The following NAMPT variants were observed in gnomAD, a reference collection of about 807,000 sequenced individuals.
The protein encoded by NAMPT is nicotinamide phosphoribosyltransferase, also known as NAmPRTase.
NAMPT carries 7 observed loss-of-function variants against 58.7 expected under a neutral mutation model. That is an observed-to-expected ratio of 0.12 (90% CI 0.07 to 0.22). NAMPT has a LOEUF of 0.22. Ranked by LOEUF, NAMPT falls within the 10% of genes least tolerant of loss-of-function variation. The pLI, the probability that NAMPT is intolerant of heterozygous loss-of-function variation, is 1.00. For synonymous variants in NAMPT, 145 were observed against 198.1 expected, an observed-to-expected ratio of 0.73 and a Z score of 2.25; for missense variants, 271 against 567.9, an observed-to-expected ratio of 0.48 and a Z score of 5.31.
In NAMPT at chr7:106,261,675, A is replaced by G. The variant is rs185838240; in HGVS notation, c.1002T>C (p.Val334=). 1.2e-4 allele frequency: 196 copies of G among 1,602,916 alleles called. 1 individual carries two copies. The Admixed American group carries it at 3.2e-3, about 26-fold the overall frequency. The change falls in exon 8 of 11, where the codon GTT becomes GTC. Residue 334 remains valine, a synonymous_variant. Transcript: ENST00000222553. ...VLEILGKKFP[V]TENSKGYKLL... is the part of the protein sequence containing the mutation. ...ACTTGTAACCCTTTGAGTTCTCAGT[A>G]ACAGGAAACTTCTTACCTAAAATCT...
chr7:106,274,455 T>C (rs1179364436), intron 3 of NAMPT, among the ~76,000 whole-genome samples: 1 of 152,082 alleles, frequency 6.6e-6, no homozygotes, highest in African/African-American at 2.4e-5. Flanking sequence ...TTCAAAAGGA[T>C]ATATTGGCTA....
intron 1 of NAMPT, chr7:106,284,543 G>T (rs1442603063): frequency 3.0e-5 from 5 of 164,422 alleles, no homozygotes; most frequent in East Asian, 3.7e-4. Context: ...CCGGGAGTCC[G>T]CTGGGGCCCG....
intron 1 of NAMPT, among the ~76,000 whole-genome samples, chr7:106,283,766 G>GA (rs542633762): frequency 6.6e-6 from 1 of 151,644 alleles, no homozygotes; most frequent in East Asian, 1.9e-4. Context: ...AAGCTGATTG[G>GA]AAAAAAACAG....
intron 8 of NAMPT, among the ~76,000 whole-genome samples, chr7:106,256,857 T>G (rs543714292): frequency 6.6e-6 from 1 of 152,272 alleles, no homozygotes; most frequent in South Asian, 2.1e-4. Context: ...ATCCTTTAGG[T>G]ACACCAACAG....
intron 10 of NAMPT, among the ~76,000 whole-genome samples, 190 bp downstream of exon 10, chr7:106,252,827 G>A (rs1380814751): frequency 6.6e-6 from 1 of 152,022 alleles, no homozygotes; most frequent in Non-Finnish European, 1.5e-5. Context: ...GTATACACAG[G>A]CCCCGTGTTT....
At chr7:106,271,595 CTTTT>C (rs1474906979) in intron 4 of NAMPT, among the ~76,000 whole-genome samples, 1 of 151,678 alleles carries the variant, frequency 6.6e-6, no homozygotes, top group Admixed American at 6.6e-5. Context: ...TTAACTGTAC[CTTTT>C]TTTTGAGTGT....
chr7:106,268,560 T>C lies in NAMPT; in HGVS notation c.647A>G (p.Lys216Arg), dbSNP rs1255844824. The C allele has an allele frequency of 6.2e-7, 1 of 1,612,410 alleles. No homozygotes were observed. The highest frequency in any genetic ancestry group is 8.5e-7 in the Non-Finnish European group (1 of 1,178,392). ...AAGTCCTGCTACTGTATCTGTTCCT[T>C]TGAAGTTAACCAAGTGAGCAGATGC... ...IGASAHLVNF[K>R]GTDTVAGLAL... The change falls in exon 6 of 11, where the codon AAA becomes AGA. Residue 216 changes from lysine (K) to arginine (R), a missense_variant. Around this residue, in one of 4 missense-constraint regions of NAMPT, gnomAD observed 143 missense variants for 331.1 expected, o/e 0.43. Coordinates refer to ENST00000222553, the MANE Select transcript of NAMPT (RefSeq NM_005746.3).
chr7:106,281,619 C>T (rs1197972869), intron 1 of NAMPT, among the ~76,000 whole-genome samples: 1 of 152,164 alleles, frequency 6.6e-6, no homozygotes, highest in African/African-American at 2.4e-5. Context: ...CTAGAAACAG[C>T]AAAAACCATA....
intron 8 of NAMPT, among the ~76,000 whole-genome samples, chr7:106,258,018 A>G (rs1236782023): frequency 6.6e-6 from 1 of 152,252 alleles, no homozygotes; most frequent in African/African-American, 2.4e-5. Context: ...GAAAACGGCA[A>G]TTAGGTGTGT....
At chr7:106,277,381 C>T (rs902608635) in intron 1 of NAMPT, among the ~76,000 whole-genome samples, 1 of 152,082 alleles carries the variant, frequency 6.6e-6, no homozygotes, top group African/African-American at 2.4e-5. Flanking sequence ...CACAGGAGAG[C>T]GTTAAATTTT....
At chr7:106,259,023 T>G (rs889730547) in intron 8 of NAMPT, among the ~76,000 whole-genome samples, 2 of 152,236 alleles carry the variant, frequency 1.3e-5, no homozygotes, top group African/African-American at 4.8e-5. Flanking sequence ...AAACCCTGCT[T>G]TGGTTTTATC....
At chr7:106,262,827 A>G (rs1193170142) in intron 7 of NAMPT, among the ~76,000 whole-genome samples, 1 of 152,024 alleles carries the variant, frequency 6.6e-6, no homozygotes, top group African/African-American at 2.4e-5. Context: ...TAAATCACCT[A>G]AAATATTTTT....
chr7:106,283,086 G>C (rs1792797164), intron 1 of NAMPT, among the ~76,000 whole-genome samples: 2 of 152,054 alleles, frequency 1.3e-5, no homozygotes, highest in Non-Finnish European at 1.5e-5. Context: ...ATATCGACTT[G>C]ATTGAACCCT....
At chr7:106,269,128 A>T (rs1792481949) in intron 5 of NAMPT, 26 bp downstream of exon 5, 1 of 1,590,974 alleles carries the variant, frequency 6.3e-7, no homozygotes, top group African/African-American at 1.4e-5. Context: ...ACATTATATT[A>T]AATGAGGTTG....
intron 8 of NAMPT, among the ~76,000 whole-genome samples, chr7:106,259,849 T>C (rs1792272459): frequency 6.6e-6 from 1 of 151,796 alleles, no homozygotes; most frequent in African/African-American, 2.4e-5. Context: ...AGATCTCAGA[T>C]GCCATCTGCA....
At chr7:106,269,382 CTTTTT>C in intron 4 of NAMPT, 70 bp from the exon 5 acceptor site, 1 of 1,152,802 alleles carries the variant, frequency 8.7e-7, no homozygotes, top group Non-Finnish European at 1.2e-6. Context: ...AAAATCCTAG[CTTTTT>C]TTTTTTTTTG....
intron 4 of NAMPT, 30 bp from the exon 5 acceptor site, chr7:106,269,342 A>G: frequency 6.3e-7 from 1 of 1,596,092 alleles, no homozygotes; most frequent in East Asian, 2.2e-5. Context: ...CACAAATATT[A>G]AGACATAAAA....
At chr7:106,265,495 G>C (rs1217230879) in intron 6 of NAMPT, among the ~76,000 whole-genome samples, 1 of 149,218 alleles carries the variant, frequency 6.7e-6, no homozygotes, top group Non-Finnish European at 1.5e-5. Flanking sequence ...CTGTCAGATG[G>C]CAATATTTCT....
At chr7:106,268,410 C>G in intron 6 of NAMPT, 54 bp downstream of exon 6, 1 of 1,547,820 alleles carries the variant, frequency 6.5e-7, no homozygotes, top group Non-Finnish European at 8.8e-7. Context: ...CACTGAGTTA[C>G]AAATACAAGA....
Sources: allele counts gnomAD v4.1 joint callset (sites outside exome capture counted in the v4.1 genomes callset), GRCh38; gene constraint gnomAD v4.1.1; regional missense constraint gnomAD v4.1.1; transcripts MANE v1.5; gene names NCBI Gene and HGNC (gene_info 2026-07-23, HGNC 2026-07-21).